The following SMCHD1 variants were observed in gnomAD, a reference collection of about 807,000 sequenced individuals.
The protein encoded by SMCHD1 is structural maintenance of chromosomes flexible hinge domain-containing protein 1.
SMCHD1 carries 78 observed loss-of-function variants against 254.7 expected under a neutral mutation model. That is an observed-to-expected ratio of 0.31 (90% CI 0.26 to 0.37). The LOEUF (loss-of-function observed/expected upper bound fraction) is 0.37, where lower values mean the gene tolerates loss of function less well. Among genes scored for constraint, SMCHD1 ranks in the 10% least tolerant of loss-of-function variants. The pLI is 1.00. For synonymous variants in SMCHD1, 766 were observed against 794.9 expected, an observed-to-expected ratio of 0.96 and a Z score of 0.61; for missense variants, 1,840 against 2,408.1, an observed-to-expected ratio of 0.76 and a Z score of 4.94.
chr18:2,783,630 T>A (rs1162285682), intron 44 of SMCHD1, among the ~76,000 whole-genome samples: 2 of 152,002 alleles, frequency 1.3e-5, no homozygotes, highest in Non-Finnish European at 2.9e-5. Flanking sequence ...TGGAGTGCAG[T>A]GGTGCGATCT....
Position 2,748,342 on chromosome 18 carries a change from T to TTGTGTGTGTGTGTG in SMCHD1, c.3927+723_3927+736dup, listed in dbSNP as rs1199860810. ...GGAAAAGCTGCTAGTCTTTGCAAAG[T>TTGTGTGTGTGTGTG]TGTGTGTGTGTGTGTGTGTGTGTGT... On this transcript the variant is annotated intron_variant, in intron 30 of 47. Transcript: ENST00000320876. Among the ~76,000 whole-genome samples, 198 of 78,426 alleles carry TTGTGTGTGTGTGTG rather than the reference T, an allele frequency of 2.5e-3. 5 individuals carry two copies. Among genetic ancestry groups the TTGTGTGTGTGTGTG allele is most frequent in the African/African-American group, 0.011 (191 of 17,792 alleles). The allele number at this position is 78,426 out of a possible 152,430, so 51.5% of individuals were successfully genotyped here. A position where few individuals can be genotyped will look rare whatever the true frequency, so the allele number is the denominator to read the frequency against.
chr18:2,759,164 G>T (rs300286), intron 34 of SMCHD1, among the ~76,000 whole-genome samples: 147,120 of 152,272 alleles, frequency 0.97, 71,144 homozygotes, highest in East Asian at 1. Context: ...GGTGATTCTA[G>T]TATTGTTGTA....
chr18:2,719,805 A>G (rs2074885945), intron 19 of SMCHD1, among the ~76,000 whole-genome samples: 1 of 151,744 alleles, frequency 6.6e-6, no homozygotes, highest in Non-Finnish European at 1.5e-5. Context: ...CCTCCCGGGT[A>G]GCTGGGATTA....
intron 24 of SMCHD1, among the ~76,000 whole-genome samples, chr18:2,730,684 G>C (rs117672444): frequency 0.018 from 2,800 of 152,234 alleles, 43 homozygotes; most frequent in Middle Eastern, 0.1. Flanking sequence ...AATTGATATG[G>C]TGATAGATAA....
At chr18:2,794,016 T>G (rs1422809633) in intron 45 of SMCHD1, among the ~76,000 whole-genome samples, 2 of 152,216 alleles carry the variant, frequency 1.3e-5, no homozygotes, top group Admixed American at 1.3e-4. Flanking sequence ...GTTTGAATGT[T>G]TATATGTCCA....
intron 45 of SMCHD1, among the ~76,000 whole-genome samples, chr18:2,794,057 G>A (rs2076217607): frequency 6.6e-6 from 1 of 152,138 alleles, no homozygotes; most frequent in Admixed American, 6.5e-5. Flanking sequence ...CTTGGTGTGT[G>A]ACTAGAGTCT....
Position 2,656,263 on chromosome 18 carries a change from T to TA in SMCHD1, c.186+3dup. 5 of 1,488,436 alleles carry TA rather than the reference T, an allele frequency of 3.4e-6. No individual in the cohort carries two copies. Among genetic ancestry groups the TA allele is most frequent in the Non-Finnish European group, 3.5e-6 (4 of 1,129,502 alleles). 92.2% of individuals were successfully genotyped at this position (1,488,436 alleles called of 1,614,324 possible). On this transcript the variant is annotated splice_region_variant and intron_variant, in intron 1 of 47. Coordinates refer to ENST00000320876, the MANE Select transcript of SMCHD1 (RefSeq NM_015295.3). ...GGATTTCGCGCGTGTGTGTGTCAGG[T>TA]ACGCGAAGGGGCGAGGAAGGGATGC...
At chr18:2,665,357 G>A (rs1459925100) in intron 1 of SMCHD1, among the ~76,000 whole-genome samples, 1 of 150,024 alleles carries the variant, frequency 6.7e-6, no homozygotes, top group Non-Finnish European at 1.5e-5. Flanking sequence ...GTCTCATTCT[G>A]TTGCTCAGGC....
intron 34 of SMCHD1, 128 bp from the exon 35 acceptor site, chr18:2,760,524 T>C (rs1347128747): frequency 3.1e-6 from 2 of 635,600 alleles, no homozygotes; most frequent in Non-Finnish European, 5.7e-6. Flanking sequence ...TGAAGGTCAA[T>C]ATACTATTAG....
intron 34 of SMCHD1, among the ~76,000 whole-genome samples, chr18:2,758,366 A>C (rs1035394217): frequency 6.6e-6 from 1 of 151,754 alleles, no homozygotes; most frequent in Non-Finnish European, 1.5e-5. Context: ...AACAATTTGT[A>C]TTTTTTTACC....
intron 17 of SMCHD1, among the ~76,000 whole-genome samples, chr18:2,708,424 G>A (rs1231771136): frequency 2.0e-5 from 3 of 151,960 alleles, no homozygotes; most frequent in East Asian, 1.9e-4. Flanking sequence ...CCAGCTACTC[G>A]GAAGGCTGAG....
chr18:2,707,167 AAAG>A (rs138812223), intron 15 of SMCHD1, among the ~76,000 whole-genome samples: 2,757 of 152,238 alleles, frequency 0.018, 66 homozygotes, highest in African/African-American at 0.062. Flanking sequence ...AGTGAGTTAT[AAAG>A]AAGAAGAAGG....
chr18:2,735,729 C>G (rs1470559346), intron 25 of SMCHD1, among the ~76,000 whole-genome samples: 1 of 152,158 alleles, frequency 6.6e-6, no homozygotes, highest in Non-Finnish European at 1.5e-5. Context: ...AGTGAAAGAT[C>G]TCTGCAAGGA....
In SMCHD1 at chr18:2,718,463, T is replaced by C; in HGVS notation, c.2458+29T>C. On this transcript the variant is annotated intron_variant, in intron 19 of 47. Transcript: ENST00000320876. The surrounding 1 kb of genome is among the most constrained non-coding windows in gnomAD (Gnocchi z 4.6). ...AGCAAAACAGTAATATATAATTATA[T>C]ATGCTAAAGGTGGCATTTTAAATCC... The C allele has an allele frequency of 6.4e-7, 1 of 1,555,630 alleles. No individual in the cohort carries two copies. Among genetic ancestry groups the C allele is most frequent in the Non-Finnish European group, 8.7e-7 (1 of 1,146,104 alleles).
chr18:2,755,650 C>T (rs186381265), intron 34 of SMCHD1, among the ~76,000 whole-genome samples: 358 of 144,976 alleles, frequency 2.5e-3, no homozygotes, highest in Non-Finnish European at 4.2e-3. Context: ...TCACTGCAAG[C>T]TCTGCCTCCC....
chr18:2,798,061 G>A (rs1195064353), intron 47 of SMCHD1, among the ~76,000 whole-genome samples: 1 of 152,206 alleles, frequency 6.6e-6, no homozygotes, highest in Non-Finnish European at 1.5e-5. Flanking sequence ...ATTGGTTTCA[G>A]TCAGAGGTTG....
At chr18:2,709,063 A>C (rs368978251) in intron 17 of SMCHD1, among the ~76,000 whole-genome samples, 1 of 148,858 alleles carries the variant, frequency 6.7e-6, no homozygotes, top group East Asian at 2.0e-4. Flanking sequence ...CCTGGTAACT[A>C]CTTTTTAACT....
intron 17 of SMCHD1, among the ~76,000 whole-genome samples, chr18:2,708,914 T>TATATATATATA (rs1568199382): frequency 1.9e-5 from 1 of 51,586 alleles, no homozygotes; most frequent in African/African-American, 1.1e-4. Context: ...ATATAACATA[T>TATATATATATA]TAACATGAAA....
chr18:2,725,234 C>T (rs1489912491), intron 21 of SMCHD1, among the ~76,000 whole-genome samples: 3 of 151,376 alleles, frequency 2.0e-5, no homozygotes, highest in Non-Finnish European at 4.4e-5. Context: ...CACCTCTCCC[C>T]GTTATCTATA....
Sources: allele counts gnomAD v4.1 joint callset (sites outside exome capture counted in the v4.1 genomes callset), GRCh38; gene constraint gnomAD v4.1.1; non-coding constraint Gnocchi (gnomAD v3.1); transcripts MANE v1.5; gene names NCBI Gene and HGNC (gene_info 2026-07-23, HGNC 2026-07-21).